The following VPS13A variants were observed in gnomAD, a reference collection of about 807,000 sequenced individuals.
VPS13A encodes the protein intermembrane lipid transfer protein VPS13A.
In VPS13A, 264 loss-of-function variants were observed where a neutral mutation model predicts 390.9. The observed-to-expected ratio is 0.68, with a 90% CI of 0.61 to 0.75. The LOEUF (loss-of-function observed/expected upper bound fraction) is 0.75, where lower values mean the gene tolerates loss of function less well. Ranked by LOEUF, VPS13A falls within the 30% of genes least tolerant of loss-of-function variation. VPS13A has a pLI of 0.00. For synonymous variants in VPS13A, 1,231 were observed against 1,227.1 expected, an observed-to-expected ratio of 1.00 and a Z score of -0.07; for missense variants, 3,409 against 3,733.9, an observed-to-expected ratio of 0.91 and a Z score of 2.27.
chr9:77,344,170 T>A lies in VPS13A; in HGVS notation c.7044T>A (p.Pro2348=), dbSNP rs143259810. 213 of 1,606,024 alleles carry A rather than the reference T, an allele frequency of 1.3e-4. No homozygotes were observed. In the Middle Eastern group the frequency reaches 1.3e-3, roughly 10 times the overall value. The part of the protein sequence containing the change: ...LDLEQCIPFW[P]EYASSKLLIQ... ...TATTTTAGTGTATCCCCTTTTGGCC[T>A]GAGTATGCTTCTAGTAAACTTCTTA... The change falls in exon 51 of 72, where the codon CCT becomes CCA. Residue 2348 remains proline (P), a synonymous_variant. Transcript: ENST00000360280.
chr9:77,337,849 T>TA (rs1226101756), intron 47 of VPS13A: 4 of 226,120 alleles, frequency 1.8e-5, no homozygotes, highest in Non-Finnish European at 3.5e-5. Flanking sequence ...TTCCTGTTGT[T>TA]ATAGGAATCC....
chr9:77,346,269 G>A lies in VPS13A; in HGVS notation c.7289+1127G>A, dbSNP rs187707161. On this transcript the variant is annotated intron_variant, in intron 52 of 71. Transcript: ENST00000360280. Reference sequence around the variant, plus strand: ...AATTTGCATTTCCCTCATAATTAGTGATGCTGAGCTTCTTTTTATATGTTT... The same window carrying A: ...AATTTGCATTTCCCTCATAATTAGTAATGCTGAGCTTCTTTTTATATGTTT... 2.6e-5 allele frequency among the ~76,000 whole-genome samples: 4 copies of A among 152,066 alleles called. No individual in the cohort carries two copies. The East Asian group carries it at 7.7e-4, about 29-fold the overall frequency.
In VPS13A at chr9:77,417,991, A is replaced by ATTTG. The variant is rs1440186664; in HGVS notation, c.*1988_*1991dup. 7.9e-5 allele frequency: 12 copies of ATTTG among 152,260 alleles called. No homozygotes were observed. The highest frequency in any genetic ancestry group is 2.9e-4 in the African/African-American group (12 of 41,546). The allele number at this position is 152,260 out of a possible 1,614,324, so 9.4% of individuals were successfully genotyped here. A position where few individuals can be genotyped will look rare whatever the true frequency, so the allele number is the denominator to read the frequency against. On this transcript the variant is annotated 3_prime_UTR_variant, in exon 72 of 72. Transcript: ENST00000360280. ...ACAGTTTTAAGAGCTACATCATATC[A>ATTTG]TTTGTTGTTTTAGAAGATTGTCTTC...
intron 42 of VPS13A, 39 bp downstream of exon 42, chr9:77,319,712 A>T (rs1313158048): frequency 9.6e-7 from 1 of 1,045,704 alleles, no homozygotes. Flanking sequence ...ATATATATAT[A>T]TGTATTTTAA....
chr9:77,284,098 G>A (rs1012123924), intron 31 of VPS13A, among the ~76,000 whole-genome samples: 9 of 151,618 alleles, frequency 5.9e-5, no homozygotes, highest in African/African-American at 1.9e-4. Flanking sequence ...TATCGTTGTT[G>A]TAATAATGAT....
chr9:77,301,668 G>C (rs1054645544), intron 33 of VPS13A, among the ~76,000 whole-genome samples: 4 of 152,112 alleles, frequency 2.6e-5, no homozygotes, highest in Admixed American at 1.3e-4. Context: ...TACAATGGGA[G>C]GCTTCTATGG....
chr9:77,192,754 C>T (rs1312119351), intron 1 of VPS13A, among the ~76,000 whole-genome samples: 1 of 152,124 alleles, frequency 6.6e-6, no homozygotes, highest in Non-Finnish European at 1.5e-5. Flanking sequence ...TACCCCTTCT[C>T]TCTAGCTCCC....
chr9:77,221,381 G>C (rs1390260212), intron 13 of VPS13A, 25 bp downstream of exon 13: 2 of 1,610,652 alleles, frequency 1.2e-6, no homozygotes, highest in Non-Finnish European at 1.7e-6. Flanking sequence ...TGAAATTGTT[G>C]AGTGTTTTAT....
At chr9:77,316,438 G>A (rs1460110235) in intron 39 of VPS13A, 32 bp downstream of exon 39, 2 of 1,585,794 alleles carry the variant, frequency 1.3e-6, no homozygotes, top group South Asian at 2.2e-5. Context: ...CTGCTTAATT[G>A]TAACTATTTT....
At chr9:77,256,514 T>C (rs1045289043) in intron 22 of VPS13A, among the ~76,000 whole-genome samples, 3 of 152,172 alleles carry the variant, frequency 2.0e-5, no homozygotes, top group Non-Finnish European at 2.9e-5. Context: ...TGGTCAATTT[T>C]ATTGGTCCAG....
chr9:77,235,771 G>A (rs145610198), intron 17 of VPS13A, among the ~76,000 whole-genome samples: 1,830 of 152,168 alleles, frequency 0.012, 68 homozygotes, highest in Admixed American at 0.077. Flanking sequence ...CAGTTGTCCT[G>A]TATTCAAGTT....
chr9:77,384,249 C>G (rs1833584189), intron 68 of VPS13A, among the ~76,000 whole-genome samples: 1 of 151,510 alleles, frequency 6.6e-6, no homozygotes, highest in South Asian at 2.1e-4. Context: ...TATTGTGTAC[C>G]TTTCTATCTA....
At chr9:77,400,608 A>C (rs1486643695) in intron 68 of VPS13A, among the ~76,000 whole-genome samples, 1 of 151,744 alleles carries the variant, frequency 6.6e-6, no homozygotes, top group African/African-American at 2.4e-5. Context: ...CGGGCAGATC[A>C]GGAGGTCAGG....
At chr9:77,186,369 A>C (rs1235158483) in intron 1 of VPS13A, among the ~76,000 whole-genome samples, 4 of 152,140 alleles carry the variant, frequency 2.6e-5, no homozygotes, top group Admixed American at 6.5e-5. Context: ...TTAATTCTCT[A>C]ATGCTCCTGT....
At chr9:77,248,603 C>T (rs1824968913) in intron 20 of VPS13A, among the ~76,000 whole-genome samples, 1 of 152,008 alleles carries the variant, frequency 6.6e-6, no homozygotes, top group Admixed American at 6.6e-5. Context: ...CTGTGCTCTT[C>T]ACTATAGTAC....
chr9:77,282,225 A>G lies in VPS13A; in HGVS notation c.3069A>G (p.Pro1023=). The change falls in exon 29 of 72, where the codon CCA becomes CCG. Residue 1023 remains proline, a synonymous_variant. Transcript: ENST00000360280. The stretch of plus-strand genomic sequence containing the variant: ...CGCAATCAGAGGAAAAATCAGCCCC[A>G]GTGTCCACTACAGAGACTGAAGACA... ...ILPQSEEKSA[P]VSTTETEDKG... 1.2e-6 allele frequency: 2 copies of G among 1,613,722 alleles called. No homozygotes were observed. The highest frequency in any genetic ancestry group is 2.2e-5 in the East Asian group (1 of 44,780).
rs756481617 is a variant in VPS13A, at chr9:77,243,495, A to C, written c.1901-3764A>C. On this transcript the variant is annotated intron_variant, in intron 19 of 71. Transcript: ENST00000360280. The stretch of plus-strand genomic sequence containing the variant: ...GGTCTTTCAGGTCTTTTTGTTGTCA[A>C]CTATGGCATGAGCTTACAGAGCCTG... Among the ~76,000 whole-genome samples the C allele has an allele frequency of 5.3e-5, 8 of 152,236 alleles. No homozygotes were observed. The East Asian group carries it at 1.5e-3, about 29-fold the overall frequency.
At chr9:77,327,848 A>G (rs1335940137) in intron 45 of VPS13A, among the ~76,000 whole-genome samples, 5 of 152,080 alleles carry the variant, frequency 3.3e-5, no homozygotes, top group Non-Finnish European at 7.4e-5. Flanking sequence ...TGAATTCCTC[A>G]AAGTCGTCCA....
chr9:77,187,608 TACACACACAC>T (rs34649735), intron 1 of VPS13A, among the ~76,000 whole-genome samples: 2 of 148,020 alleles, frequency 1.4e-5, no homozygotes, highest in African/African-American at 2.5e-5. Flanking sequence ...CATACAAACA[TACACACACAC>T]ACACACACAC....
Sources: gnomAD v4.1 joint callset for allele counts (sites outside exome capture counted in the v4.1 genomes callset) on GRCh38, gnomAD v4.1.1 for gene constraint, MANE v1.5 for transcripts, NCBI Gene and HGNC (gene_info 2026-07-23, HGNC 2026-07-21) for gene names.